The following ATRNL1 variants were observed in gnomAD, a reference collection of about 807,000 sequenced individuals.
The protein encoded by ATRNL1 is attractin-like protein 1.
A neutral mutation model predicts 182.7 loss-of-function variants in ATRNL1; 95 were observed. That is an observed-to-expected ratio of 0.52 (90% CI 0.44 to 0.62). ATRNL1 has a LOEUF of 0.62. Ranked by LOEUF, ATRNL1 falls within the 20% of genes least tolerant of loss-of-function variation. The probability of loss-of-function intolerance (pLI) is 0.00; values close to 1 mark genes in which losing one functional copy is unlikely to be tolerated. For synonymous variants in ATRNL1, 576 were observed against 568.3 expected, an observed-to-expected ratio of 1.01 and a Z score of -0.19; for missense variants, 1,471 against 1,679.5, an observed-to-expected ratio of 0.88 and a Z score of 2.17.
chr10:115,094,073 C>A, intron 1 of ATRNL1, 30 bp downstream of exon 1: 1 of 1,408,982 alleles, frequency 7.1e-7, no homozygotes, highest in Non-Finnish European at 9.3e-7. Flanking sequence ...CCCGAACCTC[C>A]AGCCCTGCCT....
chr10:115,666,840 T>A (rs1555039812), intron 26 of ATRNL1, among the ~76,000 whole-genome samples: 1 of 152,094 alleles, frequency 6.6e-6, no homozygotes, highest in Non-Finnish European at 1.5e-5. Flanking sequence ...TTCACAAGAC[T>A]AGTCTGTAGA....
At chr10:115,256,315 G>A (rs1424862095) in intron 10 of ATRNL1, among the ~76,000 whole-genome samples, 1 of 151,966 alleles carries the variant, frequency 6.6e-6, no homozygotes, top group Non-Finnish European at 1.5e-5. Flanking sequence ...CAATTTCAGA[G>A]CCTGTTATTG....
At chr10:115,710,799 A>AC (rs1947040197) in intron 26 of ATRNL1, among the ~76,000 whole-genome samples, 1 of 152,142 alleles carries the variant, frequency 6.6e-6, no homozygotes, top group Non-Finnish European at 1.5e-5. Flanking sequence ...AAAATAAAAT[A>AC]CCCTAATAAA....
intron 27 of ATRNL1, among the ~76,000 whole-genome samples, chr10:115,797,063 A>C (rs1201987484): frequency 6.6e-6 from 1 of 152,218 alleles, no homozygotes; most frequent in Non-Finnish European, 1.5e-5. Context: ...GAAGCATTAC[A>C]TAGGAATAAC....
intron 10 of ATRNL1, among the ~76,000 whole-genome samples, chr10:115,256,942 G>T (rs782479707): frequency 3.9e-5 from 6 of 152,206 alleles, no homozygotes; most frequent in Non-Finnish European, 7.3e-5. Flanking sequence ...GTGCGGTTTT[G>T]AGTGAGTTTC....
At chr10:115,710,587 A>T (rs1274739025) in intron 26 of ATRNL1, among the ~76,000 whole-genome samples, 1 of 152,172 alleles carries the variant, frequency 6.6e-6, no homozygotes, top group Non-Finnish European at 1.5e-5. Flanking sequence ...CTTTGAGAAG[A>T]CAGAGAGAAT....
At chr10:115,465,020 AT>A (rs1847986977) in intron 22 of ATRNL1, among the ~76,000 whole-genome samples, 1 of 151,754 alleles carries the variant, frequency 6.6e-6, no homozygotes, top group Admixed American at 6.6e-5. Flanking sequence ...AAATTATTTC[AT>A]TTAACGCTCA....
chr10:115,918,608 A>T (rs1387741438), intron 28 of ATRNL1, among the ~76,000 whole-genome samples: 1 of 152,222 alleles, frequency 6.6e-6, no homozygotes, highest in Non-Finnish European at 1.5e-5. Context: ...TAGTGGGGTT[A>T]GGGATTTGGG....
intron 28 of ATRNL1, among the ~76,000 whole-genome samples, chr10:115,939,976 G>A (rs538832399): frequency 1.8e-4 from 27 of 152,226 alleles, no homozygotes; most frequent in African/African-American, 6.3e-4. Context: ...GATCGCAAAC[G>A]ACCTTTATGT....
intron 25 of ATRNL1, among the ~76,000 whole-genome samples, chr10:115,520,081 C>G (rs11197262): frequency 3.3e-5 from 5 of 152,152 alleles, no homozygotes; most frequent in African/African-American, 1.2e-4. Context: ...CATTTGGGTG[C>G]CTTTGTACAA....
chr10:115,452,392 G>C (rs1554967838), intron 21 of ATRNL1, among the ~76,000 whole-genome samples: 3 of 151,866 alleles, frequency 2.0e-5, no homozygotes, highest in African/African-American at 7.3e-5. Flanking sequence ...ATAAAGTTTT[G>C]CTTTTAATAT....
At chr10:115,759,375 G>T (rs1449956051) in intron 27 of ATRNL1, among the ~76,000 whole-genome samples, 1 of 152,082 alleles carries the variant, frequency 6.6e-6, no homozygotes, top group East Asian at 1.9e-4. Context: ...ATCTGTGAAT[G>T]GTAGGATGTT....
At chr10:115,297,041 A>G (rs540800755) in intron 15 of ATRNL1, among the ~76,000 whole-genome samples, 2 of 152,296 alleles carry the variant, frequency 1.3e-5, no homozygotes, top group South Asian at 4.2e-4. Flanking sequence ...ATAATTTCCT[A>G]GAGGAGTGCC....
At chr10:115,913,390 G>C (rs1952745662) in intron 28 of ATRNL1, among the ~76,000 whole-genome samples, 1 of 152,102 alleles carries the variant, frequency 6.6e-6, no homozygotes, top group South Asian at 2.1e-4. Context: ...TAGCTCTAGG[G>C]CCAGAAGACC....
At chr10:115,444,817 C>G (rs573882813) in intron 21 of ATRNL1, among the ~76,000 whole-genome samples, 1 of 151,780 alleles carries the variant, frequency 6.6e-6, no homozygotes, top group African/African-American at 2.4e-5. Flanking sequence ...TTGCAACTTC[C>G]GCCTCTCGGG....
At chr10:115,754,986 A>G (rs1555071594) in intron 27 of ATRNL1, among the ~76,000 whole-genome samples, 3 of 152,164 alleles carry the variant, frequency 2.0e-5, no homozygotes, top group Admixed American at 6.6e-5. Context: ...TTATTGGTGT[A>G]TAGGAATGCT....
intron 5 of ATRNL1, among the ~76,000 whole-genome samples, chr10:115,141,787 C>T (rs1307391713): frequency 3.3e-5 from 5 of 151,932 alleles, no homozygotes; most frequent in South Asian, 2.1e-4. Context: ...CGTTTAATTC[C>T]GTTAAATTCT....
chr10:115,104,892 G>C (rs1843932559), intron 1 of ATRNL1, among the ~76,000 whole-genome samples: 1 of 149,068 alleles, frequency 6.7e-6, no homozygotes, highest in Non-Finnish European at 1.5e-5. Flanking sequence ...TTCTGTAATT[G>C]CTCTATGTGT....
intron 25 of ATRNL1, among the ~76,000 whole-genome samples, chr10:115,544,680 A>G (rs1207894094): frequency 1.3e-5 from 2 of 152,196 alleles, no homozygotes; most frequent in Non-Finnish European, 2.9e-5. Flanking sequence ...TGGGATTACA[A>G]TTCAACCTGA....
Sources: allele counts gnomAD v4.1 joint callset (sites outside exome capture counted in the v4.1 genomes callset), GRCh38; gene constraint gnomAD v4.1.1; transcripts MANE v1.5; gene names NCBI Gene and HGNC (gene_info 2026-07-23, HGNC 2026-07-21).